Variants in FSTL5 observed in about 807,000 individuals in gnomAD.
FSTL5 encodes follistatin-related protein 5.
In FSTL5, 62 loss-of-function variants were observed where a neutral mutation model predicts 89.1. The ratio of observed to expected loss-of-function variants is 0.70; its 90% CI spans 0.57 to 0.86. FSTL5 has a LOEUF of 0.86. Ranked by LOEUF, FSTL5 falls within the 40% of genes least tolerant of loss-of-function variation. The pLI is 0.00. For synonymous variants in FSTL5, 383 were observed against 346.2 expected (o/e 1.11, Z -1.18); for missense variants, 1,057 against 1,001.6 (o/e 1.06, Z -0.75).
chr4:161,932,704 A>C (rs1018922498), intron 3 of FSTL5, among the ~76,000 whole-genome samples: 3 of 151,920 alleles, frequency 2.0e-5, no homozygotes, highest in Non-Finnish European at 4.4e-5. Flanking sequence ...CTGATGAGCC[A>C]ATATGATTTT....
At chr4:161,543,923 A>C (rs1487287111) in intron 8 of FSTL5, among the ~76,000 whole-genome samples, 3 of 152,068 alleles carry the variant, frequency 2.0e-5, no homozygotes, top group African/African-American at 4.8e-5. Flanking sequence ...TTTGTAGTGC[A>C]TCAAATGACA....
intron 2 of FSTL5, among the ~76,000 whole-genome samples, chr4:162,066,302 C>CTTCTTCTTCTTCTTCTTCTTCT (rs1738895808): frequency 3.4e-5 from 1 of 29,224 alleles, no homozygotes; most frequent in African/African-American, 1.2e-4. Context: ...TCCTACTTTT[C>CTTCTTCTTCTTCTTCTTCTTCT]TTCTTCTTCT....
At chr4:161,438,786 T>C (rs1236076386) in intron 15 of FSTL5, among the ~76,000 whole-genome samples, 1 of 152,090 alleles carries the variant, frequency 6.6e-6, no homozygotes, top group African/African-American at 2.4e-5. Flanking sequence ...CTATTATATA[T>C]GAAGTAACAT....
rs1736519945 is a variant in FSTL5, at chr4:161,656,431, T to C, written c.791A>G (p.Gln264Arg). 3 of 1,610,262 alleles carry C rather than the reference T, an allele frequency of 1.9e-6. No individual in the cohort carries two copies. The highest frequency in any genetic ancestry group is 2.5e-6 in the Non-Finnish European group (3 of 1,178,012). Residue 264 changes from glutamine (Q) to arginine (R), a missense_variant, in exon 7 of 16, where the codon CAA becomes CGA. Physicochemically the swap from Gln to Arg is conservative, Grantham distance 43. This residue lies in a region of FSTL5 where 980 missense variants were observed against 903.2 expected (regional missense o/e 1.08). Transcript: ENST00000306100. The part of the protein sequence containing the change: ...KLSITAATVG[Q>R]SAVLSCAIQG... ...AATGGCACAGCTCAGAACAGCACTT[T>C]GTCCCACAGTTGCTGCAGTGATGCT...
In FSTL5 at chr4:162,051,957, G is replaced by A. The variant is rs548745205; in HGVS notation, c.127-18299C>T. ...CAAAGAAAAACAAGAAGGAAATAGGGAAGAAAAAGAAATAAAAAATATAAA... is the reference window on the plus strand; with the variant it reads ...CAAAGAAAAACAAGAAGGAAATAGGAAAGAAAAAGAAATAAAAAATATAAA... On this transcript the variant is annotated intron_variant, in intron 2 of 15. Transcript: ENST00000306100. 8.6e-5 allele frequency among the ~76,000 whole-genome samples: 13 copies of A among 151,262 alleles called. No individual in the cohort carries two copies. In the South Asian group the frequency reaches 2.3e-3, roughly 27 times the overall value.
intron 4 of FSTL5, among the ~76,000 whole-genome samples, chr4:161,845,199 G>A (rs1731330356): frequency 6.6e-6 from 1 of 152,092 alleles, no homozygotes; most frequent in East Asian, 1.9e-4. Flanking sequence ...TTAGATTAAT[G>A]CACTCTTCTC....
At chr4:161,421,648 T>C (rs1272031532) in intron 15 of FSTL5, among the ~76,000 whole-genome samples, 1 of 152,176 alleles carries the variant, frequency 6.6e-6, no homozygotes, top group Non-Finnish European at 1.5e-5. Context: ...TGAGAGTGTT[T>C]CTGAAAGATT....
At chr4:161,661,166 G>C (rs917101816) in intron 6 of FSTL5, among the ~76,000 whole-genome samples, 1 of 152,068 alleles carries the variant, frequency 6.6e-6, no homozygotes, top group African/African-American at 2.4e-5. Context: ...ATGATTTTAG[G>C]AACTTTGACT....
intron 6 of FSTL5, among the ~76,000 whole-genome samples, chr4:161,708,834 G>A (rs1445940970): frequency 1.3e-5 from 2 of 152,070 alleles, no homozygotes; most frequent in African/African-American, 4.8e-5. Flanking sequence ...GAAAATATAT[G>A]TTTGGGGTAT....
rs191509418 is a variant in FSTL5, at chr4:162,155,302, T to G, written c.-17+8313A>C. On this transcript the variant is annotated intron_variant, in intron 1 of 15. Transcript: ENST00000306100. Reference sequence around the variant, plus strand: ...GCAGAAGCAGTCAGATTAATTCTTCTGCCGACCTTGAAGAGGCAAGTCTCC... The same window carrying G: ...GCAGAAGCAGTCAGATTAATTCTTCGGCCGACCTTGAAGAGGCAAGTCTCC... Among the ~76,000 whole-genome samples the G allele has an allele frequency of 3.7e-3, 568 of 152,290 alleles. 12 individuals are homozygous for G. Among genetic ancestry groups the G allele is most frequent in the Non-Finnish European group, 7.4e-4 (50 of 68,026 alleles).
intron 4 of FSTL5, among the ~76,000 whole-genome samples, chr4:161,830,332 T>G (rs1326973799): frequency 6.6e-6 from 1 of 152,022 alleles, no homozygotes; most frequent in Non-Finnish European, 1.5e-5. Flanking sequence ...TTCCAAGTTC[T>G]TATGTGGATA....
intron 10 of FSTL5, among the ~76,000 whole-genome samples, chr4:161,527,300 T>G (rs1051635337): frequency 6.6e-6 from 1 of 152,134 alleles, no homozygotes; most frequent in African/African-American, 2.4e-5. Flanking sequence ...AAATGGGATC[T>G]AATTAAACTA....
At chr4:161,608,578 T>C (rs977979782) in intron 7 of FSTL5, among the ~76,000 whole-genome samples, 35 of 152,032 alleles carry the variant, frequency 2.3e-4, no homozygotes, top group Non-Finnish European at 4.9e-4. Context: ...TTTCTACACA[T>C]TTCTAAAATT....
At chr4:162,146,770 C>CTCTCTCTCTCTCTCTCTCTCTCTCTT (rs754279568) in intron 1 of FSTL5, among the ~76,000 whole-genome samples, 1 of 142,856 alleles carries the variant, frequency 7.0e-6, no homozygotes, top group Non-Finnish European at 1.5e-5. Context: ...CTCTCTCTCT[C>CTCTCTCTCTCTCTCTCTCTCTCTCTT]TCTTTCTTTC....
At chr4:162,074,684 A>G (rs372249416) in intron 2 of FSTL5, among the ~76,000 whole-genome samples, 17 of 151,904 alleles carry the variant, frequency 1.1e-4, no homozygotes, top group African/African-American at 3.9e-4. Context: ...ACACAATATG[A>G]TGTTTTGATA....
At chr4:161,916,667 A>G (rs931187267) in intron 4 of FSTL5, among the ~76,000 whole-genome samples, 1 of 152,200 alleles carries the variant, frequency 6.6e-6, no homozygotes, top group Admixed American at 6.5e-5. Context: ...TATTATATTC[A>G]TAGGTATATT....
At chr4:161,729,744 A>C (rs536429422) in intron 6 of FSTL5, among the ~76,000 whole-genome samples, 1 of 152,320 alleles carries the variant, frequency 6.6e-6, no homozygotes, top group South Asian at 2.1e-4. Flanking sequence ...TGACTTCCAC[A>C]GGTGTTTACG....
chr4:161,752,983 C>G (rs931989565), intron 6 of FSTL5, among the ~76,000 whole-genome samples: 3 of 152,110 alleles, frequency 2.0e-5, no homozygotes, highest in African/African-American at 7.2e-5. Flanking sequence ...GCTAGACTTC[C>G]CCATCTCAAG....
chr4:161,457,134 A>G (rs1478407080), intron 14 of FSTL5, among the ~76,000 whole-genome samples: 1 of 152,176 alleles, frequency 6.6e-6, no homozygotes, highest in Non-Finnish European at 1.5e-5. Context: ...CTATTCTCTG[A>G]TCCAGAGATC....
Sources: allele counts gnomAD v4.1 joint callset (sites outside exome capture counted in the v4.1 genomes callset), GRCh38; gene constraint gnomAD v4.1.1; regional missense constraint gnomAD v4.1.1; transcripts MANE v1.5; gene names NCBI Gene and HGNC (gene_info 2026-07-23, HGNC 2026-07-21).